Variants in WNK3 observed in about 807,000 individuals in gnomAD.
The protein encoded by WNK3 is WNK lysine deficient protein kinase 3, also known as serine/threonine-protein kinase WNK3.
Under a neutral mutation model 116.7 loss-of-function variants are expected in WNK3, and 18 were observed. That is an observed-to-expected ratio of 0.15 (90% CI 0.11 to 0.23). WNK3 has a LOEUF of 0.23. Ranked by LOEUF, WNK3 falls within the 10% of genes least tolerant of loss-of-function variation. WNK3 has a pLI of 1.00. For synonymous variants in WNK3, 404 were observed against 469.4 expected, an observed-to-expected ratio of 0.86 and a Z score of 1.80; for missense variants, 993 against 1,323.8, an observed-to-expected ratio of 0.75 and a Z score of 3.88.
chrX:54,238,104 G>A (rs375678816), intron 19 of WNK3, among the ~76,000 whole-genome samples: 2 of 110,050 alleles, frequency 1.8e-5, no homozygotes, highest in Admixed American at 9.8e-5. Context: ...GTGGTGGCGC[G>A]CACTTGTAAT....
At chrX:54,258,227 G>A (rs1216616772) in intron 11 of WNK3, among the ~76,000 whole-genome samples, 2 of 85,111 alleles carry the variant, frequency 2.3e-5, no homozygotes, top group Non-Finnish European at 4.3e-5. Flanking sequence ...GCAGTGAGCC[G>A]AAATCGTGCC....
intron 10 of WNK3, 25 bp downstream of exon 10, chrX:54,292,863 A>T: frequency 1.7e-6 from 2 of 1,197,708 alleles, no homozygotes; most frequent in South Asian, 3.7e-5. Flanking sequence ...TTAAATGAAT[A>T]CAGAACCTCT....
At chrX:54,260,781 G>A (rs782139272) in intron 10 of WNK3, among the ~76,000 whole-genome samples, 2 of 110,750 alleles carry the variant, frequency 1.8e-5, no homozygotes, top group African/African-American at 6.5e-5. Context: ...GGAGTGCAGT[G>A]GCGTGATCTT....
intron 2 of WNK3, among the ~76,000 whole-genome samples, chrX:54,328,737 T>C (rs2069134432): frequency 8.9e-6 from 1 of 112,463 alleles, no homozygotes; most frequent in Non-Finnish European, 1.9e-5. Flanking sequence ...ACTTTATATA[T>C]TACATTTCCT....
At chrX:54,208,787 A>G (rs2067582202) in intron 22 of WNK3, among the ~76,000 whole-genome samples, 1 of 112,235 alleles carries the variant, frequency 8.9e-6, no homozygotes. Flanking sequence ...GCTAAGGTTT[A>G]TTACAGTGAA....
At chrX:54,288,523 G>A (rs1557164401) in intron 10 of WNK3, among the ~76,000 whole-genome samples, 1 of 111,716 alleles carries the variant, frequency 9.0e-6, no homozygotes, top group African/African-American at 3.2e-5. Flanking sequence ...GGTGCTAGAT[G>A]TGATTGGGAA....
At chrX:54,302,753 A>AT (rs2068777231) in intron 5 of WNK3, among the ~76,000 whole-genome samples, 1 of 41,255 alleles carries the variant, frequency 2.4e-5, no homozygotes, top group African/African-American at 8.1e-5. Context: ...ATATATATAT[A>AT]TATATTTTTT....
intron 23 of WNK3, among the ~76,000 whole-genome samples, chrX:54,199,258 T>C (rs2067478318): frequency 1.8e-5 from 2 of 110,510 alleles, no homozygotes; most frequent in South Asian, 4.0e-4. Context: ...GCCAGAAACC[T>C]AGCCTTAATA....
chrX:54,272,955 A>G (rs2068400444), intron 10 of WNK3, among the ~76,000 whole-genome samples: 2 of 112,285 alleles, frequency 1.8e-5, no homozygotes, highest in Admixed American at 1.9e-4. Flanking sequence ...TCTTACAAAT[A>G]CACAACTCAG....
At chrX:54,276,212 C>T (rs782377892) in intron 10 of WNK3, among the ~76,000 whole-genome samples, 2 of 110,177 alleles carry the variant, frequency 1.8e-5, no homozygotes, top group African/African-American at 3.3e-5. Flanking sequence ...TGGTGGTGCA[C>T]GCCTGTAATC....
intron 20 of WNK3, among the ~76,000 whole-genome samples, chrX:54,235,445 T>C (rs1182903524): frequency 9.0e-6 from 1 of 111,100 alleles, no homozygotes; most frequent in Non-Finnish European, 1.9e-5. Flanking sequence ...CGCCACCACG[T>C]CTGGCTAATT....
chrX:54,304,982 T>A lies in WNK3; in HGVS notation c.1089+2940A>T, dbSNP rs372525776. On this transcript the variant is annotated intron_variant, in intron 5 of 23. Transcript: ENST00000354646. ...CAAAACCACATCTTTATTAAAAAAA[T>A]ATATATATATATACAAAAACTAGCC... 3.9e-3 allele frequency among the ~76,000 whole-genome samples: 423 copies of A among 107,913 alleles called. 2 individuals are homozygous for A. Among genetic ancestry groups the A allele is most frequent in the Middle Eastern group, 0.024 (5 of 212 alleles). The allele number at this position is 107,913 out of a possible 115,157, so 93.7% of individuals were successfully genotyped here. A position where few individuals can be genotyped will look rare whatever the true frequency, so the allele number is the denominator to read the frequency against.
chrX:54,264,511 C>T (rs1230157285), intron 10 of WNK3, among the ~76,000 whole-genome samples: 3 of 110,072 alleles, frequency 2.7e-5, no homozygotes, highest in Admixed American at 9.9e-5. Flanking sequence ...TCCAAAAGCA[C>T]GGTTCCTGGG....
At chrX:54,202,440 C>A (rs1326478034) in intron 22 of WNK3, among the ~76,000 whole-genome samples, 2 of 111,015 alleles carry the variant, frequency 1.8e-5, no homozygotes, top group Non-Finnish European at 1.9e-5. Flanking sequence ...CACCTGTAAT[C>A]TCAACACTTT....
intron 22 of WNK3, chrX:54,223,948 C>G (rs1315984932): frequency 2.1e-5 from 3 of 141,701 alleles, no homozygotes; most frequent in African/African-American, 3.2e-5. Flanking sequence ...TGGAAGCCAT[C>G]AGAACCAATG....
At chrX:54,301,801 T>A (rs1569538392) in exon 6 of WNK3, 1 of 1,210,583 alleles carries the variant, frequency 8.3e-7, no homozygotes, top group Non-Finnish European at 1.1e-6. Context: ...AATACATCCT[T>A]CAATGATTTC....
In WNK3 at chrX:54,239,150, C is replaced by T. The variant is rs782743028; in HGVS notation, c.3652-51G>A. On this transcript the variant is annotated intron_variant, in intron 17 of 23. Coordinates refer to ENST00000354646, the Ensembl canonical transcript of WNK3. ...CAAAACAAAACAAAACAAAACAAAACAAAACAACCGAGAAAAACCAAAGTG... is the reference window on the plus strand; with the variant it reads ...CAAAACAAAACAAAACAAAACAAAATAAAACAACCGAGAAAAACCAAAGTG... 7.1e-6 allele frequency: 6 copies of T among 846,252 alleles called. No individual in the cohort carries two copies. In the South Asian group the frequency reaches 2.9e-4, roughly 41 times the overall value. The allele number at this position is 846,252 out of a possible 1,213,427, so 69.7% of individuals were successfully genotyped here.
chrX:54,239,146 AAAACAAAAC>A, intron 17 of WNK3, 47 bp from the exon 18 acceptor site: 1 of 922,754 alleles, frequency 1.1e-6, no homozygotes, highest in African/African-American at 2.0e-5. Context: ...AAAACAAAAC[AAAACAAAAC>A]AACCGAGAAA....
At chrX:54,320,989 C>T (rs1241242729) in intron 2 of WNK3, among the ~76,000 whole-genome samples, 2 of 110,443 alleles carry the variant, frequency 1.8e-5, no homozygotes, top group Non-Finnish European at 3.8e-5. Flanking sequence ...CTCCACCTCC[C>T]GGGTTCAAGC....
Sources: allele counts gnomAD v4.1 joint callset (sites outside exome capture counted in the v4.1 genomes callset), GRCh38; gene constraint gnomAD v4.1.1; transcripts MANE v1.5; gene names NCBI Gene and HGNC (gene_info 2026-07-23, HGNC 2026-07-21).